Variants in DGKB observed in about 807,000 individuals in gnomAD.
The protein encoded by DGKB is 90 kDa diacylglycerol kinase.
A neutral mutation model predicts 114.3 loss-of-function variants in DGKB; 67 were observed. The observed-to-expected ratio is 0.59, with a 90% CI of 0.48 to 0.72. The LOEUF is 0.72. Ranked by LOEUF, DGKB falls within the 30% of genes least tolerant of loss-of-function variation. The pLI is 0.00. For synonymous variants in DGKB, 398 were observed against 323.1 expected (o/e 1.23, Z -2.49); for missense variants, 907 against 975.2 (o/e 0.93, Z 0.93).
intron 21 of DGKB, among the ~76,000 whole-genome samples, chr7:14,347,821 G>T (rs910682402): frequency 6.6e-6 from 1 of 151,946 alleles, no homozygotes; most frequent in African/African-American, 2.4e-5. Flanking sequence ...TATGTAATTA[G>T]CTTCATTGTG....
chr7:14,659,064 TC>T (rs1816471921), intron 13 of DGKB, among the ~76,000 whole-genome samples: 1 of 151,874 alleles, frequency 6.6e-6, no homozygotes, highest in African/African-American at 2.4e-5. Context: ...ATGTTCTCCC[TC>T]CCCTAACCCC....
In DGKB at chr7:14,418,211, GTA is replaced by G. The variant is rs1397658101; in HGVS notation, c.1835+59948_1835+59949del. Among the ~76,000 whole-genome samples, 3 of 22,414 alleles carry G rather than the reference GTA, an allele frequency of 1.3e-4. No individual in the cohort carries two copies. The East Asian group carries it at 2.8e-3, about 21-fold the overall frequency. The allele number at this position is 22,414 out of a possible 152,430, so 14.7% of individuals were successfully genotyped here. A position where few individuals can be genotyped will look rare whatever the true frequency, so the allele number is the denominator to read the frequency against. ...TATAAAAAATTTTATATTTATAAAT[GTA>G]TATATTATATATGTACATATATTTT... On this transcript the variant is annotated intron_variant, in intron 21 of 25. Transcript: ENST00000402815.
intron 2 of DGKB, among the ~76,000 whole-genome samples, chr7:14,801,507 C>T (rs1586605958): frequency 1.3e-5 from 2 of 152,170 alleles, no homozygotes; most frequent in Middle Eastern, 3.4e-3. Context: ...ATAGATTGCC[C>T]TCCCCAATGT....
intron 23 of DGKB, among the ~76,000 whole-genome samples, chr7:14,320,077 G>A (rs1452390261): frequency 6.6e-6 from 1 of 152,144 alleles, no homozygotes; most frequent in African/African-American, 2.4e-5. Context: ...AACAAAGCAA[G>A]ATAAACTATT....
intron 13 of DGKB, among the ~76,000 whole-genome samples, chr7:14,661,487 A>T (rs1213067480): frequency 1.4e-5 from 2 of 144,934 alleles, no homozygotes; most frequent in Non-Finnish European, 3.0e-5. Context: ...GAGAAATGCT[A>T]ATCAAAACCA....
At position 14,471,521 on chromosome 7, in the gene DGKB, A is replaced by C. The variant is rs1198904462; in HGVS notation, c.1835+6640T>G. On this transcript the variant is annotated intron_variant, in intron 21 of 25. Transcript: ENST00000402815. ...TGCTGACATATAAATTGATAAGAAG[A>C]AGCACAAACTAATCTATAAGTAATC... Among the ~76,000 whole-genome samples, 3 of 150,438 alleles carry C rather than the reference A, an allele frequency of 2.0e-5. No homozygotes were observed. The Admixed American group carries it at 2.0e-4, about 10-fold the overall frequency.
intron 23 of DGKB, among the ~76,000 whole-genome samples, chr7:14,260,053 CAAATT>C (rs1007171903): frequency 6.7e-6 from 1 of 150,116 alleles, no homozygotes; most frequent in Non-Finnish European, 1.5e-5. Flanking sequence ...AGATTAAAAA[CAAATT>C]AAAACACATA....
chr7:14,284,001 A>G (rs1016868694), intron 23 of DGKB, among the ~76,000 whole-genome samples: 27 of 152,198 alleles, frequency 1.8e-4, no homozygotes, highest in Non-Finnish European at 2.9e-4. Flanking sequence ...AACAAAAGAC[A>G]AAATTGACAA....
chr7:14,638,454 T>C (rs1246890031), intron 13 of DGKB, among the ~76,000 whole-genome samples: 4 of 152,202 alleles, frequency 2.6e-5, no homozygotes, highest in Admixed American at 2.6e-4. Context: ...TATATGTTAC[T>C]GTCTGATATA....
intron 23 of DGKB, among the ~76,000 whole-genome samples, chr7:14,216,464 G>A (rs146056056): frequency 1.3e-5 from 2 of 152,074 alleles, no homozygotes; most frequent in African/African-American, 2.4e-5. Flanking sequence ...AGTGGCTCAC[G>A]CCTGTAATCC....
chr7:14,331,546 G>T (rs975668363), intron 23 of DGKB, among the ~76,000 whole-genome samples: 25 of 152,062 alleles, frequency 1.6e-4, no homozygotes, highest in African/African-American at 5.8e-4. Context: ...AATGTCCATT[G>T]CCATCAACCT....
At chr7:14,577,560 T>G (rs1428417148) in intron 19 of DGKB, among the ~76,000 whole-genome samples, 13 of 151,916 alleles carry the variant, frequency 8.6e-5, no homozygotes, top group Admixed American at 7.2e-4. Flanking sequence ...GAGCCTGCAG[T>G]GAGCTGAGAT....
intron 2 of DGKB, among the ~76,000 whole-genome samples, chr7:14,773,895 A>C (rs1352673869): frequency 1.3e-5 from 2 of 150,724 alleles, no homozygotes; most frequent in Non-Finnish European, 2.9e-5. Flanking sequence ...TTGCCTTTTA[A>C]GTGTTTTGTA....
intron 21 of DGKB, among the ~76,000 whole-genome samples, chr7:14,386,817 G>C (rs1007326236): frequency 2.6e-5 from 4 of 151,672 alleles, no homozygotes; most frequent in Admixed American, 6.6e-5. Flanking sequence ...CAAAAGATGA[G>C]GAAAAAGGAA....
chr7:14,763,217 T>C (rs536925607), intron 2 of DGKB, among the ~76,000 whole-genome samples: 4 of 152,188 alleles, frequency 2.6e-5, no homozygotes, highest in African/African-American at 9.6e-5. Flanking sequence ...ATGTATGGCA[T>C]GGTTTATCTG....
intron 1 of DGKB, among the ~76,000 whole-genome samples, chr7:14,928,421 A>C (rs1237160817): frequency 2.0e-5 from 3 of 151,990 alleles, no homozygotes; most frequent in Non-Finnish European, 4.4e-5. Context: ...TCACTCAAAA[A>C]TAATCTCTGA....
At chr7:14,174,860 G>C (rs1455243389) in intron 25 of DGKB, among the ~76,000 whole-genome samples, 4 of 152,178 alleles carry the variant, frequency 2.6e-5, no homozygotes, top group Non-Finnish European at 5.9e-5. Flanking sequence ...GAATTTAGAA[G>C]TGTCATTTGG....
chr7:14,192,009 T>C (rs1584362467), intron 23 of DGKB: 1 of 528,332 alleles, frequency 1.9e-6, no homozygotes, highest in East Asian at 5.7e-5. Flanking sequence ...TGAGAGCTTT[T>C]CTGACTATCC....
intron 17 of DGKB, among the ~76,000 whole-genome samples, chr7:14,596,193 T>A (rs11980585): frequency 6.6e-6 from 1 of 152,178 alleles, no homozygotes; most frequent in Admixed American, 6.6e-5. Flanking sequence ...ATGATACATT[T>A]AATATCATGT....
Sources: allele counts gnomAD v4.1 joint callset (sites outside exome capture counted in the v4.1 genomes callset), GRCh38; gene constraint gnomAD v4.1.1; transcripts MANE v1.5; gene names NCBI Gene and HGNC (gene_info 2026-07-23, HGNC 2026-07-21).